Variants in SEC16B observed in about 807,000 individuals in gnomAD.
The protein encoded by SEC16B is protein transport protein Sec16B.
In SEC16B, 115 loss-of-function variants were observed where a neutral mutation model predicts 141.8. The ratio of observed to expected loss-of-function variants is 0.81; its 90% CI spans 0.70 to 0.95. The LOEUF (loss-of-function observed/expected upper bound fraction) is 0.95, where lower values mean the gene tolerates loss of function less well. SEC16B is among the 40% of genes least tolerant of loss of function. The probability of loss-of-function intolerance (pLI) is 0.00; values close to 1 mark genes in which losing one functional copy is unlikely to be tolerated. For missense variants in SEC16B, 1,291 were observed against 1,312.3 expected (o/e 0.98, Z 0.25); for synonymous variants, 493 against 492.5 (o/e 1.00, Z -0.01).
chr1:177,930,529 C>G lies in SEC16B; in HGVS notation c.3111+16G>C, dbSNP rs1447717757. ...CTGTACTCCTGGCCAGCCCCTCCCC[C>G]TGAGGGCTTCCTTACCTGAGGCACC... On this transcript the variant is annotated intron_variant, in intron 25 of 25. Coordinates refer to ENST00000308284, the MANE Select transcript of SEC16B (RefSeq NM_033127.4). 6 of 1,600,056 alleles carry G rather than the reference C, an allele frequency of 3.7e-6. No individual in the cohort carries two copies. The highest frequency in any genetic ancestry group is 1.1e-5 in the South Asian group (1 of 90,168).
At chr1:177,941,176 C>A (rs1315896557) in intron 16 of SEC16B, among the ~76,000 whole-genome samples, 1 of 152,162 alleles carries the variant, frequency 6.6e-6, no homozygotes, top group Non-Finnish European at 1.5e-5. Context: ...AGGATTTATT[C>A]CATAAACAAG....
chr1:177,941,953 C>G lies in SEC16B; in HGVS notation c.1969G>C (p.Val657Leu), dbSNP rs1346558682. The change falls in exon 16 of 26, where the codon GTC (valine) becomes CTC (leucine). Residue 657 changes from valine to leucine, a missense_variant. Val to Leu is a conservative substitution (Grantham distance 32). Transcript: ENST00000308284. ...TGACTGCTCTCTCCCTGGCTCAAGA[C>G]AGCTGCACCAATGGCTTCGCAGTAA... ...LHYCEAIGAA[V>L]LSQGESSHPV... 7 of 1,614,068 alleles carry G rather than the reference C, an allele frequency of 4.3e-6. No homozygotes were observed. In the African/African-American group the frequency reaches 6.7e-5, roughly 15 times the overall value.
At chr1:177,946,360 A>T (rs1465373351) in intron 14 of SEC16B, 60 bp downstream of exon 14, 4 of 1,239,874 alleles carry the variant, frequency 3.2e-6, no homozygotes, top group Non-Finnish European at 4.6e-6. Context: ...AAACCCAACA[A>T]GGGCTAAAAC....
At chr1:177,979,853 C>T (rs1346770498) in intron 1 of SEC16B, among the ~76,000 whole-genome samples, 2 of 151,966 alleles carry the variant, frequency 1.3e-5, no homozygotes, top group African/African-American at 2.4e-5. Flanking sequence ...CATCAGATCT[C>T]GTGAAACTTA....
chr1:177,955,668 A>T (rs187307911), intron 10 of SEC16B, among the ~76,000 whole-genome samples: 2 of 152,302 alleles, frequency 1.3e-5, no homozygotes, highest in African/African-American at 2.4e-5. Flanking sequence ...ATTGGCACCT[A>T]TCAAAGAGTT....
Position 177,931,331 on chromosome 1 carries a change from G to A in SEC16B, c.3013-688C>T, listed in dbSNP as rs557642918. Reference sequence around the variant, plus strand: ...GTGAAGTACACAGGAGTGGAAAACCGAAAACCATATGTTCTCACTTATAAG... The same window carrying A: ...GTGAAGTACACAGGAGTGGAAAACCAAAAACCATATGTTCTCACTTATAAG... On this transcript the variant is annotated intron_variant, in intron 24 of 25. Transcript: ENST00000308284. Among the ~76,000 whole-genome samples, 136 of 152,244 alleles carry A rather than the reference G, an allele frequency of 8.9e-4. 1 individual carries two copies. Among genetic ancestry groups the A allele is most frequent in the Non-Finnish European group, 1.4e-3 (93 of 68,004 alleles).
intron 18 of SEC16B, among the ~76,000 whole-genome samples, chr1:177,937,768 T>C (rs539452515): frequency 3.9e-5 from 6 of 152,262 alleles, no homozygotes; most frequent in Admixed American, 6.5e-5. Context: ...AGCTCCTCCA[T>C]TGACTTAACA....
chr1:177,940,862 A>G lies in SEC16B; in HGVS notation c.2023-148T>C, dbSNP rs1005917537. ...TAACTTGTAAATTACATTATAAAAAATAATCGAAAAACAGCAAATTCAGCA... is the reference window on the plus strand; with the variant it reads ...TAACTTGTAAATTACATTATAAAAAGTAATCGAAAAACAGCAAATTCAGCA... On this transcript the variant is annotated intron_variant, in intron 16 of 25. Transcript: ENST00000308284. 7.6e-5 allele frequency: 43 copies of G among 563,672 alleles called. No individual in the cohort carries two copies. The Middle Eastern group carries it at 1.3e-3, about 18-fold the overall frequency. 34.9% of individuals were successfully genotyped at this position (563,672 alleles called of 1,614,324 possible).
intron 1 of SEC16B, among the ~76,000 whole-genome samples, chr1:177,968,829 A>G (rs56246465): frequency 0.1 from 15,463 of 152,172 alleles, 2,632 homozygotes; most frequent in African/African-American, 0.35. Flanking sequence ...GATTGTTTTC[A>G]TAAGAAAATA....
intron 11 of SEC16B, among the ~76,000 whole-genome samples, chr1:177,953,003 ATTTTT>A (rs59988344): frequency 7.8e-6 from 1 of 127,974 alleles, no homozygotes. Context: ...TGGAAGTGTC[ATTTTT>A]TTTTTTTTTT....
At chr1:177,934,135 CT>C (rs78021773) in intron 20 of SEC16B, among the ~76,000 whole-genome samples, 32,054 of 150,760 alleles carry the variant, frequency 0.21, 3,527 homozygotes, top group Non-Finnish European at 0.25. Flanking sequence ...TTTACATTAA[CT>C]TTTTTTTTTT....
chr1:177,959,121 A>G (rs775075209), intron 8 of SEC16B, 146 bp from the exon 9 acceptor site: 38 of 804,476 alleles, frequency 4.7e-5, no homozygotes, highest in Non-Finnish European at 5.6e-5. Context: ...TAATGAGTCT[A>G]TAGCTATAGG....
At chr1:177,967,605 G>T in intron 2 of SEC16B, 78 bp downstream of exon 2, 2 of 1,380,056 alleles carry the variant, frequency 1.4e-6, no homozygotes, top group Non-Finnish European at 1.9e-6. Context: ...AAAATAAAAG[G>T]AAAAGGAAGA....
At position 177,930,392 on chromosome 1, in the gene SEC16B, C is replaced by T. The variant is rs1650328335; in HGVS notation, c.3111+153G>A. On this transcript the variant is annotated intron_variant, in intron 25 of 25. Coordinates refer to ENST00000308284, the MANE Select transcript of SEC16B (RefSeq NM_033127.4). The stretch of plus-strand genomic sequence containing the variant: ...TCTCTGAGCTAGCTACTACTAATCC[C>T]ACTTTACAGATGCAGAAACTGAGAC... 3.3e-5 allele frequency among the ~76,000 whole-genome samples: 5 copies of T among 152,332 alleles called. No homozygotes were observed. In the South Asian group the frequency reaches 1.0e-3, roughly 32 times the overall value.
At chr1:177,949,401 C>CAT (rs947898356) in intron 12 of SEC16B, among the ~76,000 whole-genome samples, 2 of 99,838 alleles carry the variant, frequency 2.0e-5, no homozygotes, top group African/African-American at 6.5e-5. Flanking sequence ...CACACACACA[C>CAT]ACACACACAC....
chr1:177,972,597 T>C (rs1654003964), upstream of SEC16B, among the ~76,000 whole-genome samples: 2 of 152,310 alleles, frequency 1.3e-5, no homozygotes, highest in Non-Finnish European at 2.9e-5. Context: ...ATCCCAACTA[T>C]GCACCAGGAT....
At chr1:177,974,729 C>A (rs181821950), upstream of SEC16B, among the ~76,000 whole-genome samples, 43 of 152,178 alleles carry the variant, frequency 2.8e-4, no homozygotes, top group African/African-American at 9.6e-4. Context: ...TTCCAGAACC[C>A]TAGATGTGAA....
At position 177,946,503 on chromosome 1, in the gene SEC16B, G is replaced by A. The variant is rs749738898; in HGVS notation, c.1692C>T (p.His564=). The A allele has an allele frequency of 6.3e-7, 1 of 1,583,136 alleles. No individual in the cohort carries two copies. Among genetic ancestry groups the A allele is most frequent in the Non-Finnish European group, 8.6e-7 (1 of 1,165,378 alleles). The part of the protein sequence containing the change: ...LAGKGLVEAA[H]FCYLMAHVPF... ...GCACGTGAGCCATGAGATAGCAGAA[G>A]TGAGCTGCCTCCACAAGCCCCTTCC... is the stretch of plus-strand genomic sequence containing the variant. Residue 564 remains histidine (H), a synonymous_variant, in exon 14 of 26, where the codon CAC becomes CAT. Transcript: ENST00000308284.
At chr1:177,976,313 C>T (rs192151383) in intron 1 of SEC16B, among the ~76,000 whole-genome samples, 3 of 152,286 alleles carry the variant, frequency 2.0e-5, no homozygotes, top group Non-Finnish European at 4.4e-5. Flanking sequence ...TGATTGATGC[C>T]CCCTATATCA....
Sources: allele counts gnomAD v4.1 joint callset (sites outside exome capture counted in the v4.1 genomes callset), GRCh38; gene constraint gnomAD v4.1.1; transcripts MANE v1.5; gene names NCBI Gene and HGNC (gene_info 2026-07-23, HGNC 2026-07-21).